The following KIF1B variants were observed in gnomAD, a reference collection of about 807,000 sequenced individuals.
KIF1B encodes kinesin family member 1B.
In KIF1B, 76 loss-of-function variants were observed where a neutral mutation model predicts 241.9. The ratio of observed to expected loss-of-function variants is 0.31; its 90% CI spans 0.26 to 0.38. The LOEUF (loss-of-function observed/expected upper bound fraction) is 0.38. Among genes scored for constraint, KIF1B ranks in the 10% least tolerant of loss-of-function variants. The pLI, the probability that KIF1B is intolerant of heterozygous loss-of-function variation, is 1.00. For missense variants in KIF1B, 1,622 were observed against 2,271.4 expected (o/e 0.71, Z 5.81); for synonymous variants, 750 against 796.7 (o/e 0.94, Z 0.99).
intron 18 of KIF1B, 85 bp from the exon 19 acceptor site, chr1:10,295,575 G>A (rs1404246363): frequency 7.4e-6 from 9 of 1,210,060 alleles, no homozygotes; most frequent in Non-Finnish European, 1.1e-5. Context: ...CGTACCAAAG[G>A]ATATTCTTTG....
At chr1:10,258,709 T>C (rs760855531) in intron 4 of KIF1B, 37 bp downstream of exon 4, 107 of 1,595,794 alleles carry the variant, frequency 6.7e-5, no homozygotes, top group Non-Finnish European at 8.7e-5. Context: ...TTCTCTTCAT[T>C]ATTAGTGTTA....
At chr1:10,242,527 CT>C (rs1201340830) in intron 2 of KIF1B, among the ~76,000 whole-genome samples, 2 of 151,864 alleles carry the variant, frequency 1.3e-5, no homozygotes, top group African/African-American at 2.4e-5. Context: ...TTAATATAAT[CT>C]TTTTTTTAGA....
intron 7 of KIF1B, among the ~76,000 whole-genome samples, chr1:10,271,105 G>A (rs915906786): frequency 6.6e-6 from 1 of 150,942 alleles, no homozygotes; most frequent in Non-Finnish European, 1.5e-5. Context: ...AGTAAATTAT[G>A]TCATGTTTAT....
chr1:10,220,726 C>T lies in KIF1B; in HGVS notation c.-80+9848C>T, dbSNP rs752532091. Among the ~76,000 whole-genome samples the T allele has an allele frequency of 3.8e-4, 58 of 152,084 alleles. 1 individual carries two copies. The highest frequency in any genetic ancestry group is 6.2e-4 in the Non-Finnish European group (42 of 68,012). ...CGCCCAGGCTGTAGCGCAATGGTATCATCTTGGCTCACTGCAACCTCCGCC... is the reference window on the plus strand; with the variant it reads ...CGCCCAGGCTGTAGCGCAATGGTATTATCTTGGCTCACTGCAACCTCCGCC... On this transcript the variant is annotated intron_variant, in intron 1 of 48. Coordinates refer to ENST00000676179, the MANE Select transcript of KIF1B (RefSeq NM_001365951.3).
Position 10,342,032 on chromosome 1 carries a change from A to C in KIF1B, c.3514-18A>C. On this transcript the variant is annotated intron_variant, in intron 32 of 48. Coordinates refer to ENST00000676179, the MANE Select transcript of KIF1B (RefSeq NM_001365951.3). ...GTGTATTTTCTTGTAATCTTTTCCT[A>C]ATCTTGCTTGGCTTTAGATTGCAGT... The C allele has an allele frequency of 6.9e-7, 1 of 1,453,878 alleles. No homozygotes were observed. The highest frequency in any genetic ancestry group is 1.4e-5 in the African/African-American group (1 of 71,658). 90.1% of individuals were successfully genotyped at this position (1,453,878 alleles called of 1,614,324 possible).
intron 32 of KIF1B, among the ~76,000 whole-genome samples, chr1:10,341,401 G>A (rs1316953587): frequency 1.3e-5 from 2 of 152,232 alleles, no homozygotes; most frequent in Non-Finnish European, 2.9e-5. Context: ...GGATGTGCTG[G>A]AAGGGCCTTC....
chr1:10,275,000 T>C (rs1408833528), intron 10 of KIF1B: 2 of 337,372 alleles, frequency 5.9e-6, no homozygotes, highest in African/African-American at 4.4e-5. Context: ...TGGTCATTGT[T>C]TTCTGTGTAA....
At chr1:10,327,317 C>T (rs1255478507) in intron 27 of KIF1B, among the ~76,000 whole-genome samples, 3 of 151,992 alleles carry the variant, frequency 2.0e-5, no homozygotes, top group East Asian at 1.9e-4. Flanking sequence ...CTGCCCAACA[C>T]GGTGAAACCC....
chr1:10,303,934 G>C lies in KIF1B; in HGVS notation c.2115+6688G>C. 1 of 1,614,192 alleles carries C rather than the reference G, an allele frequency of 6.2e-7. No individual in the cohort carries two copies. Among genetic ancestry groups the C allele is most frequent in the East Asian group, 2.2e-5 (1 of 44,878 alleles). ...GAATGGGGATCCAGCTTTTAGACGT[G>C]GACGTCTGCGCTGGATGAGGCAAGA... On this transcript the variant is annotated intron_variant, in intron 22 of 48. Transcript: ENST00000676179. This position sits in a 1 kb window ranked among gnomAD's most constrained non-coding sequence, Gnocchi z 5.2.
At chr1:10,376,404 C>A in intron 48 of KIF1B, 141 bp from the exon 49 acceptor site, 3 of 812,858 alleles carry the variant, frequency 3.7e-6, no homozygotes, top group Middle Eastern at 6.7e-4. Flanking sequence ...CACAGGGTCC[C>A]GGAGTAGACG....
At chr1:10,272,179 C>G in intron 8 of KIF1B, 62 bp from the exon 9 acceptor site, 1 of 1,005,288 alleles carries the variant, frequency 9.9e-7, no homozygotes, top group Non-Finnish European at 1.6e-6. Context: ...ATTTTATGTT[C>G]TGTATGATAT....
intron 3 of KIF1B, among the ~76,000 whole-genome samples, 193 bp downstream of exon 3, chr1:10,256,516 A>ATAT (rs776257324): frequency 2.6e-5 from 4 of 152,144 alleles, no homozygotes; most frequent in Non-Finnish European, 5.9e-5. Flanking sequence ...GTTTATGTAC[A>ATAT]CATATACATA....
intron 7 of KIF1B, among the ~76,000 whole-genome samples, chr1:10,269,574 C>G (rs1005142829): frequency 6.6e-6 from 1 of 151,266 alleles, no homozygotes; most frequent in African/African-American, 2.4e-5. Flanking sequence ...AATCCAAGCA[C>G]TTTGGGAGGC....
chr1:10,265,914 C>T (rs1016914906), intron 5 of KIF1B, among the ~76,000 whole-genome samples: 1 of 152,026 alleles, frequency 6.6e-6, no homozygotes, highest in Non-Finnish European at 1.5e-5. Context: ...AAGAAAAAGG[C>T]AATAGAAATG....
intron 31 of KIF1B, among the ~76,000 whole-genome samples, chr1:10,339,145 C>T (rs190970218): frequency 1.3e-5 from 2 of 152,062 alleles, no homozygotes; most frequent in African/African-American, 4.8e-5. Flanking sequence ...TAAATATAGC[C>T]CATTGTTTTA....
chr1:10,289,839 G>A (rs1461641119), intron 15 of KIF1B, among the ~76,000 whole-genome samples: 1 of 152,044 alleles, frequency 6.6e-6, no homozygotes, highest in Non-Finnish European at 1.5e-5. Flanking sequence ...AGCCGAGATC[G>A]CACCACTGTA....
At chr1:10,305,826 C>G (rs190737953) in intron 22 of KIF1B, 5 of 1,052,458 alleles carry the variant, frequency 4.8e-6, no homozygotes, top group Non-Finnish European at 5.7e-6. Flanking sequence ...TTTTCTACAT[C>G]GTTCCTCATC....
intron 43 of KIF1B, among the ~76,000 whole-genome samples, chr1:10,366,621 A>G (rs1490631585): frequency 6.6e-6 from 1 of 152,168 alleles, no homozygotes; most frequent in Non-Finnish European, 1.5e-5. Context: ...TGCACTGAAG[A>G]GTTTAGAGTG....
intron 25 of KIF1B, 105 bp from the exon 26 acceptor site, chr1:10,324,653 C>CTT (rs201407650): frequency 0.02 from 23,197 of 1,139,696 alleles, 62 homozygotes; most frequent in Non-Finnish European, 0.025. Context: ...GGAGCAACTC[C>CTT]TTTTTTTTTT....
Sources: allele counts gnomAD v4.1 joint callset (sites outside exome capture counted in the v4.1 genomes callset), GRCh38; gene constraint gnomAD v4.1.1; non-coding constraint Gnocchi (gnomAD v3.1); transcripts MANE v1.5; gene names NCBI Gene and HGNC (gene_info 2026-07-23, HGNC 2026-07-21).